The following AGTPBP1 variants were observed in gnomAD, a reference collection of about 807,000 sequenced individuals.
AGTPBP1 encodes ATP/GTP binding carboxypeptidase 1.
Under a neutral mutation model 143.9 loss-of-function variants are expected in AGTPBP1, and 70 were observed. The observed-to-expected ratio is 0.49, with a 90% CI of 0.40 to 0.59. The LOEUF (loss-of-function observed/expected upper bound fraction) is 0.59. Ranked by LOEUF, AGTPBP1 falls within the 20% of genes least tolerant of loss-of-function variation. AGTPBP1 has a pLI of 0.00. For synonymous variants in AGTPBP1, 463 were observed against 500.2 expected (o/e 0.93, Z 0.99); for missense variants, 1,229 against 1,464.5 (o/e 0.84, Z 2.62).
At chr9:85,732,806 T>C (rs1838977217) in intron 1 of AGTPBP1, among the ~76,000 whole-genome samples, 1 of 151,876 alleles carries the variant, frequency 6.6e-6, no homozygotes, top group Non-Finnish European at 1.5e-5. Flanking sequence ...ATGCAAATAG[T>C]AACCAAAAGA....
At chr9:85,721,873 C>CA (rs1838147055) in intron 1 of AGTPBP1, among the ~76,000 whole-genome samples, 1 of 152,136 alleles carries the variant, frequency 6.6e-6, no homozygotes, top group South Asian at 2.1e-4. Context: ...CTGGTGGTGA[C>CA]AAAATCTCTC....
chr9:85,743,155 C>G (rs1197973935), upstream of AGTPBP1, among the ~76,000 whole-genome samples: 1 of 152,150 alleles, frequency 6.6e-6, no homozygotes, highest in African/African-American at 2.4e-5. Context: ...AACGTATTAT[C>G]TGAAAATACC....
chr9:85,579,074 T>A lies in AGTPBP1; in HGVS notation c.3188A>T (p.His1063Leu). ...GCTCATGCAAAATGCTGGGGCGATA[T>A]GGCTCAGTATCTTAGGCAATGTCTG... ...GYRTLPKILS[H>L]IAPAFCMSSC... The change falls in exon 24 of 26, where the codon CAT (histidine) becomes CTT (leucine). Residue 1063 changes from histidine to leucine, a missense_variant. This residue lies in a region of AGTPBP1 where 486 missense variants were observed against 652.3 expected (regional missense o/e 0.75). Transcript: ENST00000357081. 1 of 1,606,998 alleles carries A rather than the reference T, an allele frequency of 6.2e-7. No individual in the cohort carries two copies. The highest frequency in any genetic ancestry group is 8.5e-7 in the Non-Finnish European group (1 of 1,177,970).
At chr9:85,589,414 G>C in intron 20 of AGTPBP1, 114 bp downstream of exon 20, 1 of 1,360,608 alleles carries the variant, frequency 7.3e-7, no homozygotes, top group Non-Finnish European at 9.9e-7. Flanking sequence ...GCCAAGACTA[G>C]AGCCCAAGTC....
chr9:85,639,988 T>A (rs1832361809), intron 13 of AGTPBP1, among the ~76,000 whole-genome samples: 1 of 152,202 alleles, frequency 6.6e-6, no homozygotes, highest in African/African-American at 2.4e-5. Flanking sequence ...AAGCAGGCGG[T>A]GTTCAAGATT....
the AGTPBP1 span, among the ~76,000 whole-genome samples, chr9:85,760,641 T>C: frequency 1.3e-5 from 2 of 152,184 alleles, no homozygotes; most frequent in Non-Finnish European, 2.9e-5. Flanking sequence ...GAGCTATTTA[T>C]GACAAACCCA....
At chr9:85,684,237 A>C (rs907730667) in intron 3 of AGTPBP1, among the ~76,000 whole-genome samples, 2 of 152,170 alleles carry the variant, frequency 1.3e-5, no homozygotes, top group Non-Finnish European at 2.9e-5. Context: ...AAAATGAAGC[A>C]AAGTAATTAG....
chr9:85,759,318 A>C, the AGTPBP1 span, among the ~76,000 whole-genome samples: 1 of 152,194 alleles, frequency 6.6e-6, no homozygotes, highest in Admixed American at 6.5e-5. Context: ...CACAATATAC[A>C]TTCTTCTCAG....
At chr9:85,734,247 G>A (rs1433971173) in intron 1 of AGTPBP1, among the ~76,000 whole-genome samples, 3 of 151,890 alleles carry the variant, frequency 2.0e-5, no homozygotes, top group Admixed American at 6.6e-5. Context: ...GAGAGACTCC[G>A]TCTGAAACAA....
At chr9:85,751,449 A>G in the AGTPBP1 span, among the ~76,000 whole-genome samples, 1 of 152,206 alleles carries the variant, frequency 6.6e-6, no homozygotes, top group Non-Finnish European at 1.5e-5. Context: ...AATTGCTATA[A>G]AAGTATCTCA....
the AGTPBP1 span, among the ~76,000 whole-genome samples, chr9:85,757,049 TAAGTGTG>T: frequency 6.6e-6 from 1 of 152,138 alleles, no homozygotes; most frequent in East Asian, 1.9e-4. Flanking sequence ...GATGGTTACA[TAAGTGTG>T]AATATATGAA....
At chr9:85,575,931 T>C (rs945586899) in intron 24 of AGTPBP1, among the ~76,000 whole-genome samples, 2 of 152,146 alleles carry the variant, frequency 1.3e-5, no homozygotes, top group African/African-American at 4.8e-5. Flanking sequence ...TACTGTATGA[T>C]AAGAGAAATT....
the AGTPBP1 span, among the ~76,000 whole-genome samples, chr9:85,798,408 C>T: frequency 6.8e-6 from 1 of 146,830 alleles, no homozygotes; most frequent in Non-Finnish European, 1.5e-5. Context: ...GCTCTTGTTT[C>T]CTAGGCTGGA....
At chr9:85,729,701 G>GTA (rs1838755217) in intron 1 of AGTPBP1, among the ~76,000 whole-genome samples, 1 of 151,116 alleles carries the variant, frequency 6.6e-6, no homozygotes, top group African/African-American at 2.4e-5. Context: ...AAAAAAGAAT[G>GTA]ACCCAATTAA....
chr9:85,750,748 C>A, the AGTPBP1 span, among the ~76,000 whole-genome samples: 1 of 152,180 alleles, frequency 6.6e-6, no homozygotes, highest in Non-Finnish European at 1.5e-5. Context: ...GATGATGAAA[C>A]CCCTGGCTGG....
the AGTPBP1 span, among the ~76,000 whole-genome samples, chr9:85,804,596 T>A: frequency 2.0e-5 from 3 of 152,196 alleles, no homozygotes; most frequent in African/African-American, 7.2e-5. Flanking sequence ...CTAATATTAG[T>A]TGAATCAGGG....
chr9:85,607,468 A>G lies in AGTPBP1; in HGVS notation c.2336-11019T>C, dbSNP rs142146191. 4.8e-3 allele frequency among the ~76,000 whole-genome samples: 734 copies of G among 152,246 alleles called. 5 individuals are homozygous for G. Among genetic ancestry groups the G allele is most frequent in the Middle Eastern group, 0.014 (4 of 294 alleles). The stretch of plus-strand genomic sequence containing the variant: ...ATCAAATGAGGTAAACTCAGACTCA[A>G]TAAACCAGTCTATTCAACCTGATAT... On this transcript the variant is annotated intron_variant, in intron 17 of 25. Transcript: ENST00000357081.
chr9:85,677,370 A>G, intron 6 of AGTPBP1, 66 bp downstream of exon 6: 1 of 1,430,166 alleles, frequency 7.0e-7, no homozygotes, highest in Non-Finnish European at 9.6e-7. Context: ...AGTAGTTACA[A>G]GGTGAGAGAA....
chr9:85,619,380 T>G (rs914333007), intron 15 of AGTPBP1, 79 bp from the exon 16 acceptor site: 3 of 1,015,342 alleles, frequency 3.0e-6, no homozygotes, highest in Non-Finnish European at 4.3e-6. Flanking sequence ...AAAATTATAA[T>G]TAAAAATACA....
Sources: gnomAD v4.1 joint callset for allele counts (sites outside exome capture counted in the v4.1 genomes callset) on GRCh38, gnomAD v4.1.1 for gene constraint, gnomAD v4.1.1 regional missense constraint, MANE v1.5 for transcripts, NCBI Gene and HGNC (gene_info 2026-07-23, HGNC 2026-07-21) for gene names.